Variants in SETD4 observed in about 807,000 individuals in gnomAD.
SETD4 encodes SET domain containing 4.
SETD4 carries 46 observed loss-of-function variants against 58.3 expected under a neutral mutation model. The ratio of observed to expected loss-of-function variants is 0.79; its 90% CI spans 0.62 to 1.01. The LOEUF is 1.01. Among genes scored for constraint, SETD4 ranks in the 50% least tolerant of loss-of-function variants. SETD4 has a pLI of 0.00. For missense variants in SETD4, 490 were observed against 523.3 expected (o/e 0.94, Z 0.62); for synonymous variants, 190 against 202.6 (o/e 0.94, Z 0.53).
Position 36,050,140 on chromosome 21 carries a change from T to C in SETD4, c.208-1744A>G, listed in dbSNP as rs577393338. The C allele has an allele frequency of 3.0e-3, 2,527 of 835,402 alleles. 15 individuals are homozygous for C. The highest frequency in any genetic ancestry group is 3.3e-3 in the Non-Finnish European group (1,614 of 488,770). 51.7% of individuals were successfully genotyped at this position (835,402 alleles called of 1,614,324 possible). A position where few individuals can be genotyped will look rare whatever the true frequency, so the allele number is the denominator to read the frequency against. ...TCTTGCAGACCTCTATATCTGGCTG[T>C]TCATCTTCCATAATCAACTGGTAGA... On this transcript the variant is annotated intron_variant, in intron 4 of 11. Coordinates refer to ENST00000332131, the MANE Select transcript of SETD4 (RefSeq NM_017438.5).
Position 36,041,159 on chromosome 21 carries a change from CAAAAAAAAAAAAAA to C in SETD4, c.984-518_984-505del, listed in dbSNP as rs35920101. On this transcript the variant is annotated intron_variant, in intron 8 of 11. Coordinates refer to ENST00000332131, the MANE Select transcript of SETD4 (RefSeq NM_017438.5). Reference sequence around the variant, plus strand: ...TGGGCGACAGAGCAAGACTCCTTCTCAAAAAAAAAAAAAAAAAAAAAAAAAAAAAAAGAGCTTAA... The same window carrying C: ...TGGGCGACAGAGCAAGACTCCTTCTCAAAAAAAAAAAAAAAAAGAGCTTAA... Among the ~76,000 whole-genome samples the C allele has an allele frequency of 4.1e-3, 164 of 40,046 alleles. 3 individuals are homozygous for C. The highest frequency in any genetic ancestry group is 0.048 in the Middle Eastern group (2 of 42). The allele number at this position is 40,046 out of a possible 152,430, so 26.3% of individuals were successfully genotyped here.
chr21:36,040,385 G>A (rs1290495818), intron 9 of SETD4, among the ~76,000 whole-genome samples, 190 bp downstream of exon 9: 1 of 152,136 alleles, frequency 6.6e-6, no homozygotes, highest in East Asian at 1.9e-4. Flanking sequence ...ATTCCAAAAC[G>A]GTTAAAACTT....
chr21:36,058,044 A>C (rs1349037418), intron 2 of SETD4, among the ~76,000 whole-genome samples: 1 of 152,238 alleles, frequency 6.6e-6, no homozygotes, highest in Non-Finnish European at 1.5e-5. Context: ...TTTACATCCA[A>C]ACATTGATAT....
In SETD4 at chr21:36,038,233, C is replaced by T. The variant is rs1173831457; in HGVS notation, c.1105G>A (p.Asp369Asn). ...TCCAAACTTGTCTTCTCATTCGTAT[C>T]TGAAATTACCTCCCCAAGAAGTACT... is the stretch of plus-strand genomic sequence containing the variant. ...KKVLLGEVIS[D>N]TNEKTSLDIA... is the part of the protein sequence containing the mutation. Residue 369 changes from aspartate (D) to asparagine (N), a missense_variant, in exon 10 of 12, where the codon GAT becomes AAT. Transcript: ENST00000332131. 4 of 1,613,972 alleles carry T rather than the reference C, an allele frequency of 2.5e-6. No homozygotes were observed. The highest frequency in any genetic ancestry group is 3.4e-6 in the Non-Finnish European group (4 of 1,180,010).
chr21:36,034,733 T>C lies in SETD4; in HGVS notation c.*1260A>G, dbSNP rs1315471008. The C allele has an allele frequency of 6.6e-6, 1 of 152,178 alleles. No homozygotes were observed. The highest frequency in any genetic ancestry group is 6.5e-5 in the Admixed American group (1 of 15,270). The allele number at this position is 152,178 out of a possible 1,614,324, so 9.4% of individuals were successfully genotyped here. A position where few individuals can be genotyped will look rare whatever the true frequency, so the allele number is the denominator to read the frequency against. The stretch of plus-strand genomic sequence containing the variant: ...AGCCCAGCCATGCAAATGGTTGACA[T>C]GCTGCCGATGGCCGCTCTGCAGAAT... On this transcript the variant is annotated 3_prime_UTR_variant, in exon 12 of 12. Coordinates refer to ENST00000332131, the MANE Select transcript of SETD4 (RefSeq NM_017438.5).
At chr21:36,050,795 G>A (rs1017710679) in intron 4 of SETD4, 1 of 1,610,190 alleles carries the variant, frequency 6.2e-7, no homozygotes, top group Admixed American at 1.7e-5. Context: ...ACTTGTTCCA[G>A]AAGTATGTTA....
Position 36,035,973 on chromosome 21 carries a change from C to G in SETD4, c.*33-13G>C. On this transcript the variant is annotated splice_polypyrimidine_tract_variant and intron_variant, in intron 11 of 11. Transcript: ENST00000332131. ...TTAACTTTTGTTTCTGTAGGAAAAG[C>G]AAAAGGAAAAGGATTAAGTTCCTAA... 1 of 1,154,080 alleles carries G rather than the reference C, an allele frequency of 8.7e-7. No individual in the cohort carries two copies. The highest frequency in any genetic ancestry group is 1.2e-6 in the Non-Finnish European group (1 of 806,724). 71.5% of individuals were successfully genotyped at this position (1,154,080 alleles called of 1,614,324 possible).
chr21:36,045,344 G>A (rs1290812280), intron 6 of SETD4, among the ~76,000 whole-genome samples: 3 of 152,186 alleles, frequency 2.0e-5, no homozygotes, highest in South Asian at 2.1e-4. Flanking sequence ...GATGCAGCAC[G>A]AGGCTCTGTA....
intron 3 of SETD4, among the ~76,000 whole-genome samples, chr21:36,054,085 T>C (rs1041410425): frequency 9.9e-5 from 15 of 152,022 alleles, no homozygotes; most frequent in African/African-American, 2.4e-4. Context: ...CCCACTCAAG[T>C]CCCCACAAAG....
At chr21:36,045,554 A>C in intron 6 of SETD4, 28 bp downstream of exon 6, 1 of 1,604,262 alleles carries the variant, frequency 6.2e-7, no homozygotes, top group Non-Finnish European at 8.5e-7. Context: ...ATCCAAATAG[A>C]ATAGCTGCTC....
chr21:36,039,672 G>A (rs1376896399), intron 9 of SETD4, among the ~76,000 whole-genome samples: 2 of 152,096 alleles, frequency 1.3e-5, no homozygotes, highest in African/African-American at 2.4e-5. Flanking sequence ...CAGTGAACAA[G>A]GAAAAGAAGG....
At chr21:36,051,978 T>C (rs1454325439) in intron 4 of SETD4, among the ~76,000 whole-genome samples, 1 of 152,090 alleles carries the variant, frequency 6.6e-6, no homozygotes, top group East Asian at 1.9e-4. Context: ...TATAACCCAA[T>C]AAAGGCTTCT....
At chr21:36,060,270 T>G in intron 1 of SETD4, 77 bp downstream of exon 1, 1 of 390,136 alleles carries the variant, frequency 2.6e-6, no homozygotes, top group Non-Finnish European at 3.5e-6. Context: ...AATGAAAGAC[T>G]AAGGAACGCA....
intron 4 of SETD4, chr21:36,050,213 C>G (rs2064582655): frequency 8.3e-7 from 1 of 1,205,732 alleles, no homozygotes; most frequent in Non-Finnish European, 1.2e-6. Context: ...ACAAGCTGAT[C>G]AAGATCTGTA....
chr21:36,058,248 C>A (rs1263338614), intron 2 of SETD4, among the ~76,000 whole-genome samples: 1 of 151,970 alleles, frequency 6.6e-6, no homozygotes, highest in East Asian at 1.9e-4. Context: ...ACCTGTAATC[C>A]CAGTGCTTTG....
chr21:36,056,247 C>T (rs1418550095), intron 3 of SETD4, among the ~76,000 whole-genome samples: 3 of 152,148 alleles, frequency 2.0e-5, no homozygotes, highest in Non-Finnish European at 4.4e-5. Context: ...AGTTAATTTG[C>T]TCAAAGTTCA....
chr21:36,048,498 C>T, intron 4 of SETD4, 102 bp from the exon 5 acceptor site: 1 of 976,752 alleles, frequency 1.0e-6, no homozygotes, highest in Non-Finnish European at 1.6e-6. Context: ...CTACCAGTAA[C>T]CCACTGTAAC....
intron 3 of SETD4, 65 bp downstream of exon 3, chr21:36,057,044 T>C: frequency 9.5e-6 from 12 of 1,256,978 alleles, no homozygotes; most frequent in South Asian, 6.0e-5. Context: ...CCTGCAAGAG[T>C]GGCCCCTGCT....
At position 36,053,691 on chromosome 21, in the gene SETD4, A is replaced by G. The variant is rs1438404539; in HGVS notation, c.170-71T>C. ...AAGGTCCCAGAGATAACTATTATGG[A>G]AAAAAAAAATGTGAACTTCAAAATT... On this transcript the variant is annotated intron_variant, in intron 3 of 11. Coordinates refer to ENST00000332131, the MANE Select transcript of SETD4 (RefSeq NM_017438.5). The G allele has an allele frequency of 4.0e-6, 5 of 1,263,104 alleles. No individual in the cohort carries two copies. In the African/African-American group the frequency reaches 4.5e-5, roughly 11 times the overall value. The allele number at this position is 1,263,104 out of a possible 1,614,324, so 78.2% of individuals were successfully genotyped here.
Sources: allele counts gnomAD v4.1 joint callset (sites outside exome capture counted in the v4.1 genomes callset), GRCh38; gene constraint gnomAD v4.1.1; transcripts MANE v1.5; gene names NCBI Gene and HGNC (gene_info 2026-07-23, HGNC 2026-07-21).